LAPTM4B: variants seen among roughly 807,000 people sequenced by gnomAD.
LAPTM4B encodes lysosomal protein transmembrane 4 beta.
Under a neutral mutation model 28.5 loss-of-function variants are expected in LAPTM4B, and 26 were observed. The ratio of observed to expected loss-of-function variants is 0.91; its 90% CI spans 0.67 to 1.27. The LOEUF (loss-of-function observed/expected upper bound fraction) is 1.27. LAPTM4B is among the 50% of genes most tolerant of loss of function. The pLI, the probability that LAPTM4B is intolerant of heterozygous loss-of-function variation, is 0.00. For synonymous variants in LAPTM4B, 109 were observed against 106.4 expected (o/e 1.02, Z -0.15); for missense variants, 288 against 285.8 (o/e 1.01, Z -0.06).
chr8:97,790,749 T>G (rs571890640), intron 1 of LAPTM4B, among the ~76,000 whole-genome samples: 30 of 152,210 alleles, frequency 2.0e-4, no homozygotes, highest in African/African-American at 7.0e-4. Context: ...CCAGCTGGTT[T>G]TGTGTTTTGA....
chr8:97,822,845 T>TTA (rs397770235), intron 5 of LAPTM4B, among the ~76,000 whole-genome samples: 1 of 148,566 alleles, frequency 6.7e-6, no homozygotes, highest in Non-Finnish European at 1.5e-5. Flanking sequence ...TTATTTTTTT[T>TTA]ATTTATTTTT....
intron 6 of LAPTM4B, among the ~76,000 whole-genome samples, chr8:97,844,306 A>C (rs1420719623): frequency 6.6e-6 from 1 of 152,080 alleles, no homozygotes; most frequent in Non-Finnish European, 1.5e-5. Flanking sequence ...TATGTTGCCT[A>C]GGCTGGTCCT....
intron 1 of LAPTM4B, among the ~76,000 whole-genome samples, chr8:97,784,651 G>C (rs754727154): frequency 2.0e-5 from 3 of 152,084 alleles, no homozygotes; most frequent in Non-Finnish European, 2.9e-5. Context: ...TGGTAGCCAG[G>C]ATGATCTCAA....
intron 1 of LAPTM4B, among the ~76,000 whole-genome samples, chr8:97,804,079 G>T (rs1402692429): frequency 1.3e-5 from 2 of 152,220 alleles, no homozygotes; most frequent in African/African-American, 4.8e-5. Flanking sequence ...GAATAGTAAA[G>T]AAGTAACAAG....
At chr8:97,783,072 CTTTTTTTT>C (rs10605324) in intron 1 of LAPTM4B, among the ~76,000 whole-genome samples, 1 of 127,768 alleles carries the variant, frequency 7.8e-6, no homozygotes, top group Non-Finnish European at 1.6e-5. Flanking sequence ...CGCGCCCGGC[CTTTTTTTT>C]TTTTTTTTTT....
At chr8:97,800,315 A>G (rs1176924380) in intron 1 of LAPTM4B, among the ~76,000 whole-genome samples, 2 of 152,140 alleles carry the variant, frequency 1.3e-5, no homozygotes, top group Non-Finnish European at 2.9e-5. Flanking sequence ...CTAGAAAACT[A>G]GTAACCAAGA....
chr8:97,823,698 G>A (rs1817046078), intron 5 of LAPTM4B, among the ~76,000 whole-genome samples: 1 of 96,408 alleles, frequency 1.0e-5, no homozygotes. Flanking sequence ...TATTTATTTA[G>A]TTTTTTTTTT....
At chr8:97,799,356 A>C (rs1816637298) in intron 1 of LAPTM4B, among the ~76,000 whole-genome samples, 1 of 152,230 alleles carries the variant, frequency 6.6e-6, no homozygotes, top group South Asian at 2.1e-4. Context: ...TGAGCTAAGC[A>C]GAGGAGCTTG....
At chr8:97,810,978 A>G (rs1488942030) in intron 2 of LAPTM4B, among the ~76,000 whole-genome samples, 1 of 152,236 alleles carries the variant, frequency 6.6e-6, no homozygotes, top group Non-Finnish European at 1.5e-5. Flanking sequence ...AGAAAGACAG[A>G]CACCTCACAA....
At chr8:97,850,169 C>G (rs911104589) in intron 6 of LAPTM4B, among the ~76,000 whole-genome samples, 6 of 151,922 alleles carry the variant, frequency 3.9e-5, no homozygotes, top group Middle Eastern at 3.2e-3. Flanking sequence ...GTTCCCGGTT[C>G]CTCAGTCTCC....
intron 6 of LAPTM4B, among the ~76,000 whole-genome samples, chr8:97,828,200 T>A (rs1283393879): frequency 2.0e-5 from 3 of 151,694 alleles, no homozygotes; most frequent in Non-Finnish European, 4.4e-5. Flanking sequence ...ATGGTGTAAA[T>A]TTTGGGGGTG....
chr8:97,833,672 G>T (rs1045451075), intron 6 of LAPTM4B, among the ~76,000 whole-genome samples: 1 of 152,074 alleles, frequency 6.6e-6, no homozygotes, highest in East Asian at 1.9e-4. Context: ...GAGGCTTTTT[G>T]TGTTCAGATT....
intron 2 of LAPTM4B, among the ~76,000 whole-genome samples, chr8:97,814,974 G>A (rs1237164344): frequency 6.6e-6 from 1 of 152,190 alleles, no homozygotes; most frequent in East Asian, 1.9e-4. Flanking sequence ...TTATAGGTGT[G>A]AGCCACCGCA....
At chr8:97,782,056 C>T (rs945885798) in intron 1 of LAPTM4B, among the ~76,000 whole-genome samples, 1 of 151,534 alleles carries the variant, frequency 6.6e-6, no homozygotes, top group Non-Finnish European at 1.5e-5. Context: ...TCTCGGCTCA[C>T]CGCAACCTCC....
chr8:97,817,729 C>T (rs1329008150), intron 4 of LAPTM4B, among the ~76,000 whole-genome samples: 4 of 151,480 alleles, frequency 2.6e-5, no homozygotes, highest in East Asian at 1.9e-4. Context: ...GGAATACAGG[C>T]GCCCACTACC....
intron 1 of LAPTM4B, among the ~76,000 whole-genome samples, chr8:97,789,979 C>T (rs950997502): frequency 6.6e-6 from 1 of 152,212 alleles, no homozygotes; most frequent in Admixed American, 6.5e-5. Context: ...AGTTTGGTTT[C>T]CTGTGCCTGG....
At chr8:97,789,702 G>A (rs144545103) in intron 1 of LAPTM4B, among the ~76,000 whole-genome samples, 2,217 of 151,744 alleles carry the variant, frequency 0.015, 36 homozygotes, top group South Asian at 0.023. Flanking sequence ...TGTATTTTTA[G>A]TAGAGATGGG....
At chr8:97,822,987 G>A (rs1401268335) in intron 5 of LAPTM4B, among the ~76,000 whole-genome samples, 5 of 151,760 alleles carry the variant, frequency 3.3e-5, no homozygotes, top group African/African-American at 7.3e-5. Context: ...GACTACAGGC[G>A]CCTGCCACCA....
intron 2 of LAPTM4B, among the ~76,000 whole-genome samples, chr8:97,808,324 G>A (rs1816783435): frequency 6.6e-6 from 1 of 151,944 alleles, no homozygotes; most frequent in Non-Finnish European, 1.5e-5. Context: ...TAGACACCTG[G>A]TAATCCCAGC....
Sources: gnomAD v4.1 joint callset for allele counts (sites outside exome capture counted in the v4.1 genomes callset) on GRCh38, gnomAD v4.1.1 for gene constraint, MANE v1.5 for transcripts, NCBI Gene and HGNC (gene_info 2026-07-23, HGNC 2026-07-21) for gene names.